Variants in PDZD2 observed in about 807,000 individuals in gnomAD.
PDZD2 encodes the protein PDZ domain containing 2.
A neutral mutation model predicts 220.7 loss-of-function variants in PDZD2; 90 were observed. The observed-to-expected ratio is 0.41, with a 90% CI of 0.34 to 0.49. The LOEUF is 0.49. PDZD2 is among the 20% of genes least tolerant of loss of function. The pLI is 0.28. For synonymous variants in PDZD2, 1,375 were observed against 1,450.5 expected (o/e 0.95, Z 1.18); for missense variants, 3,174 against 3,608.5 (o/e 0.88, Z 3.08).
chr5:31,975,793 C>CTTTTTTTTTTTTTTT lies in PDZD2; in HGVS notation c.477-7353_477-7352insTTTTTTTTTTTTTTT, dbSNP rs879288343. 3.6e-5 allele frequency among the ~76,000 whole-genome samples: 2 copies of CTTTTTTTTTTTTTTT among 55,182 alleles called. 1 individual carries two copies. The highest frequency in any genetic ancestry group is 6.2e-5 in the Non-Finnish European group (2 of 32,318). 36.2% of individuals were successfully genotyped at this position (55,182 alleles called of 152,430 possible). ...ATGAGCACACTGAAGGTATCAGTCACTTTTTTTTTATTTATTTTTTTTTTT... is the reference window on the plus strand; with the variant it reads ...ATGAGCACACTGAAGGTATCAGTCACTTTTTTTTTTTTTTTTTTTTTTTTATTTATTTTTTTTTTT... On this transcript the variant is annotated intron_variant, in intron 2 of 24. Transcript: ENST00000438447.
intron 2 of PDZD2, among the ~76,000 whole-genome samples, chr5:31,878,789 C>T (rs1310985139): frequency 1.3e-5 from 2 of 151,560 alleles, no homozygotes; most frequent in Non-Finnish European, 2.9e-5. Context: ...TCTCGATCTC[C>T]TGACTTCGTG....
intron 2 of PDZD2, among the ~76,000 whole-genome samples, chr5:31,945,784 G>A (rs1374908723): frequency 6.6e-6 from 1 of 152,116 alleles, no homozygotes; most frequent in Non-Finnish European, 1.5e-5. Context: ...GAGTCTTTAA[G>A]GAGATGGGCA....
At chr5:31,792,746 A>G (rs1191104468) in intron 1 of PDZD2, among the ~76,000 whole-genome samples, 2 of 151,856 alleles carry the variant, frequency 1.3e-5, no homozygotes, top group African/African-American at 4.8e-5. Context: ...CTGGGCCTAT[A>G]AAAGGGGGAA....
intron 2 of PDZD2, among the ~76,000 whole-genome samples, chr5:31,899,278 G>A (rs1272588331): frequency 1.3e-5 from 2 of 152,102 alleles, no homozygotes; most frequent in African/African-American, 4.8e-5. Context: ...TTACAGGCAC[G>A]TGTTACCATG....
At chr5:31,810,216 T>G (rs1755010065) in intron 2 of PDZD2, among the ~76,000 whole-genome samples, 1 of 152,064 alleles carries the variant, frequency 6.6e-6, no homozygotes, top group Non-Finnish European at 1.5e-5. Context: ...TCTCTCGTTT[T>G]GAGCACCATA....
Position 32,091,142 on chromosome 5 carries a change from A to C in PDZD2, c.7694A>C (p.Gln2565Pro). 1 of 1,581,028 alleles carries C rather than the reference A, an allele frequency of 6.3e-7. No homozygotes were observed. Among genetic ancestry groups the C allele is most frequent in the Non-Finnish European group, 8.6e-7 (1 of 1,157,200 alleles). ...SSASDTGEAA[Q>P]DLPFRRSWSV... ...GCCAGTGATACGGGTGAAGCTGCCC[A>C]GGATCTGCCTTTTAGAAGAAGCTGG... is the stretch of plus-strand genomic sequence containing the variant. The change falls in exon 20 of 25, where the codon CAG (glutamine) becomes CCG (proline). Residue 2565 changes from glutamine to proline, a missense_variant. This residue lies in a region of PDZD2 where 631 missense variants were observed against 789.9 expected (regional missense o/e 0.80). Coordinates refer to ENST00000438447, the MANE Select transcript of PDZD2 (RefSeq NM_178140.4).
chr5:31,845,016 CTG>C (rs1313654816), intron 2 of PDZD2, among the ~76,000 whole-genome samples: 1 of 151,956 alleles, frequency 6.6e-6, no homozygotes, highest in Non-Finnish European at 1.5e-5. Context: ...GTTTTCGAGA[CTG>C]TGAAAGGTAG....
intron 2 of PDZD2, among the ~76,000 whole-genome samples, chr5:31,954,201 C>T (rs541262793): frequency 1.4e-4 from 22 of 152,184 alleles, no homozygotes; most frequent in African/African-American, 4.6e-4. Context: ...TCTGCTTCTC[C>T]ACCACATGAG....
chr5:32,080,644 T>C (rs1283035262), intron 19 of PDZD2, among the ~76,000 whole-genome samples: 1 of 152,196 alleles, frequency 6.6e-6, no homozygotes, highest in Admixed American at 6.5e-5. Flanking sequence ...CACTGAGGAA[T>C]TTCTTATTCT....
At position 32,098,549 on chromosome 5, in the gene PDZD2, C is replaced by T; in HGVS notation, c.8133C>T (p.Pro2711=). Residue 2711 remains proline, a synonymous_variant, in exon 23 of 25, where the codon CCC becomes CCT. Transcript: ENST00000438447. The surrounding 1 kb of genome is among the most constrained non-coding windows in gnomAD (Gnocchi z 4.1). ...TCATCAAGAAAGGGATGGATCAGCCCAGGCCCTCTGCCCGGCAGGAGCCTC... is the reference window on the plus strand; with the variant it reads ...TCATCAAGAAAGGGATGGATCAGCCTAGGCCCTCTGCCCGGCAGGAGCCTC... ...LVVIKKGMDQ[P]RPSARQEPPT... 6.2e-7 allele frequency: 1 copy of T among 1,614,132 alleles called. No homozygotes were observed.
chr5:31,762,449 G>A (rs1042730241), intron 1 of PDZD2, among the ~76,000 whole-genome samples: 11 of 152,118 alleles, frequency 7.2e-5, no homozygotes, highest in East Asian at 1.9e-4. Flanking sequence ...CACCACGCTC[G>A]CCTACTTTTT....
chr5:31,654,576 A>G (rs931232789), intron 1 of PDZD2, among the ~76,000 whole-genome samples: 1 of 152,114 alleles, frequency 6.6e-6, no homozygotes, highest in African/African-American at 2.4e-5. Flanking sequence ...CTGAAGGGTC[A>G]TCTCAAACTT....
intron 2 of PDZD2, among the ~76,000 whole-genome samples, chr5:31,913,796 A>G (rs1743416135): frequency 6.6e-6 from 1 of 152,212 alleles, no homozygotes; most frequent in Admixed American, 6.5e-5. Context: ...AGAGTCGTGA[A>G]GGATTTTAGT....
intron 2 of PDZD2, among the ~76,000 whole-genome samples, chr5:31,897,654 A>G (rs1371425914): frequency 1.3e-5 from 2 of 152,228 alleles, no homozygotes; most frequent in Non-Finnish European, 2.9e-5. Flanking sequence ...TCCAACAACC[A>G]ACAAATCAGT....
intron 1 of PDZD2, among the ~76,000 whole-genome samples, chr5:31,733,239 T>C (rs1423488993): frequency 2.0e-5 from 3 of 152,162 alleles, no homozygotes; most frequent in African/African-American, 7.2e-5. Flanking sequence ...GCTGGTGATG[T>C]TCCAATTCTT....
In PDZD2 at chr5:31,683,943, G is replaced by A. The variant is rs73072149; in HGVS notation, c.-361+44506G>A. Among the ~76,000 whole-genome samples the A allele has an allele frequency of 3.4e-3, 517 of 152,134 alleles. 4 individuals carry two copies. The highest frequency in any genetic ancestry group is 0.012 in the African/African-American group (499 of 41,510). ...TTACACTCCCACCAAGAGTGTGGGA[G>A]AGCCATTTGCCACATAGACTCACCA... On this transcript the variant is annotated intron_variant, in intron 1 of 24. Coordinates refer to ENST00000438447, the MANE Select transcript of PDZD2 (RefSeq NM_178140.4).
At chr5:31,918,867 G>A (rs1743913530) in intron 2 of PDZD2, among the ~76,000 whole-genome samples, 1 of 152,096 alleles carries the variant, frequency 6.6e-6, no homozygotes, top group African/African-American at 2.4e-5. Flanking sequence ...ATCCTGGGTG[G>A]CATGTGGTTC....
chr5:31,801,370 G>A (rs1754378168), intron 2 of PDZD2, among the ~76,000 whole-genome samples: 1 of 116,880 alleles, frequency 8.6e-6, no homozygotes, highest in Admixed American at 7.7e-5. Context: ...AAGGAGCAAC[G>A]CTGACCACCA....
intron 3 of PDZD2, among the ~76,000 whole-genome samples, chr5:31,986,048 T>C (rs149021680): frequency 0.21 from 28,888 of 139,866 alleles, 2,961 homozygotes; most frequent in Middle Eastern, 0.36. Context: ...GCACTCCAGC[T>C]TGGGCAACAA....
Sources: gnomAD v4.1 joint callset for allele counts (sites outside exome capture counted in the v4.1 genomes callset) on GRCh38, gnomAD v4.1.1 for gene constraint, gnomAD v4.1.1 regional missense constraint, Gnocchi (gnomAD v3.1) non-coding constraint, MANE v1.5 for transcripts, NCBI Gene and HGNC (gene_info 2026-07-23, HGNC 2026-07-21) for gene names.